GLRA1: variants seen among roughly 807,000 people sequenced by gnomAD.
GLRA1 encodes the protein glycine receptor alpha 1.
GLRA1 carries 37 observed loss-of-function variants against 48.3 expected under a neutral mutation model. The ratio of observed to expected loss-of-function variants is 0.77; its 90% CI spans 0.59 to 1.01. GLRA1 has a LOEUF of 1.01. Among genes scored for constraint, GLRA1 ranks in the 50% least tolerant of loss-of-function variants. GLRA1 has a pLI of 0.00. For synonymous variants in GLRA1, 196 were observed against 210.7 expected, an observed-to-expected ratio of 0.93 and a Z score of 0.60; for missense variants, 427 against 571.0, an observed-to-expected ratio of 0.75 and a Z score of 2.57.
At chr5:151,885,758 G>C (rs941014416) in intron 3 of GLRA1, among the ~76,000 whole-genome samples, 18 of 152,184 alleles carry the variant, frequency 1.2e-4, no homozygotes, top group African/African-American at 4.3e-4. Flanking sequence ...CTTTGCAAAA[G>C]AACTTGGGTT....
intron 3 of GLRA1, among the ~76,000 whole-genome samples, chr5:151,863,822 T>C (rs1344942560): frequency 6.6e-6 from 1 of 152,128 alleles, no homozygotes; most frequent in Non-Finnish European, 1.5e-5. Context: ...CCTGCTCAAT[T>C]CCTCCTACAG....
chr5:151,833,146 G>A (rs908821426), intron 7 of GLRA1, among the ~76,000 whole-genome samples: 1 of 152,154 alleles, frequency 6.6e-6, no homozygotes, highest in African/African-American at 2.4e-5. Context: ...ACTCCTGAAG[G>A]AAGCACTAAA....
At chr5:151,839,248 C>T (rs996773382) in intron 7 of GLRA1, among the ~76,000 whole-genome samples, 2 of 152,180 alleles carry the variant, frequency 1.3e-5, no homozygotes, top group African/African-American at 4.8e-5. Flanking sequence ...CTAAAGGACG[C>T]CCTTTAGGCT....
In GLRA1 at chr5:151,859,967, G is replaced by T. The variant is rs199639315; in HGVS notation, c.294C>A (p.Asp98Glu). 5 of 1,614,006 alleles carry T rather than the reference G, an allele frequency of 3.1e-6. No homozygotes were observed. The highest frequency in any genetic ancestry group is 1.3e-5 in the African/African-American group (1 of 74,900). Residue 98 changes from aspartate (D) to glutamate (E), a missense_variant, in exon 4 of 9, where the codon GAC (aspartate) becomes GAA (glutamate). Around this residue, in one of 4 missense-constraint regions of GLRA1, gnomAD observed 271 missense variants for 434.9 expected, o/e 0.62. Coordinates refer to ENST00000274576, the MANE Select transcript of GLRA1 (RefSeq NM_000171.4). Reference protein sequence around the residue: ...VNIFLRQQWNDPRLAYNEYPD... With the variant: ...VNIFLRQQWNEPRLAYNEYPD... ...GGTATTCATTATAGGCCAGGCGGGG[G>T]TCGTTCCATTGCTGCCGCAGGAAGA...
intron 3 of GLRA1, among the ~76,000 whole-genome samples, chr5:151,862,031 T>C (rs895418629): frequency 6.6e-6 from 1 of 152,176 alleles, no homozygotes; most frequent in Non-Finnish European, 1.5e-5. Context: ...CTTCAAACTA[T>C]ACTATAAGAC....
At position 151,864,468 on chromosome 5, in the gene GLRA1, A is replaced by C. The variant is rs1397281567; in HGVS notation, c.253-4460T>G. Among the ~76,000 whole-genome samples the C allele has an allele frequency of 3.3e-5, 5 of 152,216 alleles. No individual in the cohort carries two copies. In the East Asian group the frequency reaches 7.7e-4, roughly 23 times the overall value. On this transcript the variant is annotated intron_variant, in intron 3 of 8. Coordinates refer to ENST00000274576, the MANE Select transcript of GLRA1 (RefSeq NM_000171.4). ...GAAAGGCTGAGAAATGTGTCCCAGG[A>C]GCAGGGCCAGTGAGTGGCAGAGCTA... is the stretch of plus-strand genomic sequence containing the variant.
At chr5:151,825,548 G>A (rs1356846094) in intron 8 of GLRA1, among the ~76,000 whole-genome samples, 1 of 152,156 alleles carries the variant, frequency 6.6e-6, no homozygotes, top group Admixed American at 6.5e-5. Flanking sequence ...ATTGGAACCA[G>A]CAGGTGGCAG....
chr5:151,848,963 C>T (rs1314939807), intron 7 of GLRA1: 2 of 717,610 alleles, frequency 2.8e-6, no homozygotes, highest in South Asian at 1.4e-5. Context: ...TGAGAAAGTC[C>T]AGGCCATGTA....
intron 3 of GLRA1, among the ~76,000 whole-genome samples, chr5:151,878,617 G>C (rs1390102996): frequency 6.6e-6 from 1 of 152,166 alleles, no homozygotes; most frequent in African/African-American, 2.4e-5. Flanking sequence ...CCTGTGCTGT[G>C]TGCGGTCTAG....
intron 8 of GLRA1, 98 bp downstream of exon 8, chr5:151,828,823 G>T: frequency 1.6e-6 from 2 of 1,249,486 alleles, no homozygotes; most frequent in Non-Finnish European, 2.3e-6. Flanking sequence ...ACATTGAGAA[G>T]GATGGACCAT....
chr5:151,869,033 AT>A (rs1753408938), intron 3 of GLRA1, among the ~76,000 whole-genome samples: 1 of 152,112 alleles, frequency 6.6e-6, no homozygotes, highest in Admixed American at 6.6e-5. Context: ...ATCAATGTGA[AT>A]TTAATAATTA....
chr5:151,839,559 G>T (rs1321900172), intron 7 of GLRA1, among the ~76,000 whole-genome samples: 1 of 152,180 alleles, frequency 6.6e-6, no homozygotes, highest in Non-Finnish European at 1.5e-5. Flanking sequence ...GAATATTTGT[G>T]TGCCCCTAGC....
chr5:151,833,290 C>T (rs1763473115), intron 7 of GLRA1, among the ~76,000 whole-genome samples: 1 of 152,168 alleles, frequency 6.6e-6, no homozygotes, highest in Non-Finnish European at 1.5e-5. Flanking sequence ...ATCAAATTCA[C>T]ACATAACAAT....
rs529611199 is a variant in GLRA1 at position 151,850,149 on chromosome 5, G to C, written c.912+1241C>G. On this transcript the variant is annotated intron_variant, in intron 7 of 8. Transcript: ENST00000274576. ...TTCCAATGGCTTCCCAGGACCCCAG[G>C]GTCCATATTACTGCAGTGTGGGAGC... The C allele has an allele frequency of 7.8e-4, 1,247 of 1,603,796 alleles. 21 individuals are homozygous for C. In the South Asian group the frequency reaches 0.013, roughly 17 times the overall value.
intron 3 of GLRA1, among the ~76,000 whole-genome samples, chr5:151,881,880 T>C (rs1368431065): frequency 6.6e-6 from 1 of 152,186 alleles, no homozygotes; most frequent in Non-Finnish European, 1.5e-5. Context: ...AGAGCTGCTA[T>C]GCACTCCTGC....
chr5:151,894,134 A>G (rs903694942), intron 1 of GLRA1, among the ~76,000 whole-genome samples: 54 of 152,136 alleles, frequency 3.5e-4, no homozygotes, highest in African/African-American at 1.3e-3. Context: ...TAGAGATATG[A>G]ATGTATGTGT....
chr5:151,893,709 A>G (rs1239297663), intron 1 of GLRA1, among the ~76,000 whole-genome samples: 1 of 152,104 alleles, frequency 6.6e-6, no homozygotes, highest in Non-Finnish European at 1.5e-5. Flanking sequence ...TTATGGCTGC[A>G]TAGTATTCCA....
intron 7 of GLRA1, chr5:151,849,665 G>A: frequency 4.9e-6 from 1 of 204,174 alleles, no homozygotes; most frequent in South Asian, 9.3e-5. Flanking sequence ...CGATTCTCCT[G>A]CCTCAGCCTC....
chr5:151,824,634 ACTC>A lies in GLRA1; in HGVS notation c.1060-1674_1060-1672del, dbSNP rs1386192796. On this transcript the variant is annotated intron_variant, in intron 8 of 8. Coordinates refer to ENST00000274576, the MANE Select transcript of GLRA1 (RefSeq NM_000171.4). ...CTCTGAACCCCATCTCTTGTCTCCA[ACTC>A]CTCTTTCACCTAATTCTTCCTTAGA... Among the ~76,000 whole-genome samples the A allele has an allele frequency of 5.3e-5, 8 of 151,626 alleles. No homozygotes were observed. The South Asian group carries it at 8.4e-4, about 16-fold the overall frequency.
Sources: gnomAD v4.1 joint callset for allele counts (sites outside exome capture counted in the v4.1 genomes callset) on GRCh38, gnomAD v4.1.1 for gene constraint, gnomAD v4.1.1 regional missense constraint, MANE v1.5 for transcripts, NCBI Gene and HGNC (gene_info 2026-07-23, HGNC 2026-07-21) for gene names.